The following BAIAP3 variants were observed in gnomAD, a reference collection of about 807,000 sequenced individuals.
The protein encoded by BAIAP3 is BAI1-associated protein 3.
BAIAP3 carries 180 observed loss-of-function variants against 149.7 expected under a neutral mutation model. The observed-to-expected ratio is 1.20, with a 90% confidence interval of 1.07 to 1.36. BAIAP3 has a LOEUF of 1.36. BAIAP3 is among the 40% of genes most tolerant of loss of function. The pLI is 0.00. For missense variants in BAIAP3, 1,767 were observed against 1,563.4 expected, an observed-to-expected ratio of 1.13 and a Z score of -2.20; for synonymous variants, 845 against 670.7, an observed-to-expected ratio of 1.26 and a Z score of -4.02.
chr16:1,344,634 C>T lies in BAIAP3; in HGVS notation c.1693C>T (p.Leu565=). ...ACAGCGCCTGCCTGGGCTGGTTGTG[C>T]TGGCTGACGCCGTCTATGATGACCT... ...GPQRLPGLVV[L]ADAVYDDLQF... Residue 565 remains leucine (L), a synonymous_variant, in exon 19 of 34, where the codon CTG becomes TTG. Coordinates refer to ENST00000426824, the MANE Select transcript of BAIAP3 (RefSeq NM_001199097.2). 1 of 1,613,412 alleles carries T rather than the reference C, an allele frequency of 6.2e-7. No individual in the cohort carries two copies. Among genetic ancestry groups the T allele is most frequent in the Non-Finnish European group, 8.5e-7 (1 of 1,180,026 alleles).
Position 1,339,606 on chromosome 16 carries a change from C to G in BAIAP3, c.408+3C>G, listed in dbSNP as rs2033717133. 6.2e-7 allele frequency: 1 copy of G among 1,609,392 alleles called. No homozygotes were observed. The highest frequency in any genetic ancestry group is 8.5e-7 in the Non-Finnish European group (1 of 1,178,318). On this transcript the variant is annotated splice_donor_region_variant and intron_variant, in intron 5 of 33. Coordinates refer to ENST00000426824, the MANE Select transcript of BAIAP3 (RefSeq NM_001199097.2). Reference sequence around the variant, plus strand: ...CCCTGCTCAGCTATCTCCAGCAGGTCAGCCCACCCTGACCCCGACCCAGAC... The same window carrying G: ...CCCTGCTCAGCTATCTCCAGCAGGTGAGCCCACCCTGACCCCGACCCAGAC...
Position 1,349,358 on chromosome 16 carries a change from G to A in BAIAP3, c.*876G>A, listed in dbSNP as rs766962853. 6.5e-6 allele frequency: 10 copies of A among 1,535,660 alleles called. No individual in the cohort carries two copies. The highest frequency in any genetic ancestry group is 1.4e-5 in the African/African-American group (1 of 73,546). On this transcript the variant is annotated 3_prime_UTR_variant, in exon 34 of 34. Transcript: ENST00000426824. ...CTGCCAGCAGCCGCAAAGAGCCGAG[G>A]CTGCCAGGCCCATTTATGTCCCTCA...
chr16:1,349,269 C>A lies in BAIAP3; in HGVS notation c.*787C>A. 1 of 754,654 alleles carries A rather than the reference C, an allele frequency of 1.3e-6. No homozygotes were observed. 46.7% of individuals were successfully genotyped at this position (754,654 alleles called of 1,614,324 possible). A position where few individuals can be genotyped will look rare whatever the true frequency, so the allele number is the denominator to read the frequency against. The stretch of plus-strand genomic sequence containing the variant: ...TGGCCTGCAGCTTCATTTGCGAGAG[C>A]GCCGAGGCAGGACACAGAGCACAGC... On this transcript the variant is annotated 3_prime_UTR_variant, in exon 34 of 34. Transcript: ENST00000426824.
At chr16:1,334,576 G>A (rs1048842222) in intron 1 of BAIAP3, 58 of 1,321,478 alleles carry the variant, frequency 4.4e-5, no homozygotes, top group Middle Eastern at 5.1e-4. Flanking sequence ...GCCAGCGGCT[G>A]GACCTTGGCA....
At chr16:1,335,462 C>CG (rs373898973) in intron 1 of BAIAP3, among the ~76,000 whole-genome samples, 65,567 of 152,002 alleles carry the variant, frequency 0.43, 15,281 homozygotes, top group East Asian at 0.81. Context: ...ACGGGAAAGA[C>CG]GGGGGGTCCC....
chr16:1,348,643 GTGTC>G lies in BAIAP3; in HGVS notation c.*168_*171del. The G allele has an allele frequency of 1.4e-6, 1 of 706,512 alleles. No individual in the cohort carries two copies. Among genetic ancestry groups the G allele is most frequent in the South Asian group, 1.8e-5 (1 of 56,288 alleles). 43.8% of individuals were successfully genotyped at this position (706,512 alleles called of 1,614,324 possible). A position where few individuals can be genotyped will look rare whatever the true frequency, so the allele number is the denominator to read the frequency against. ...CCCCGCGGCGCCTACCGCCCTGGCC[GTGTC>G]TGTCTGGTGTGTGCTGTGAACCCCT... On this transcript the variant is annotated 3_prime_UTR_variant, in exon 34 of 34. Transcript: ENST00000426824.
chr16:1,347,244 G>A, intron 28 of BAIAP3, 54 bp from the exon 29 acceptor site: 1 of 1,567,960 alleles, frequency 6.4e-7, no homozygotes, highest in African/African-American at 1.4e-5. Flanking sequence ...GTCTCTACCT[G>A]TCCCCAGCAC....
chr16:1,337,053 GGGA>G (rs1376648258), intron 1 of BAIAP3, among the ~76,000 whole-genome samples: 1 of 152,178 alleles, frequency 6.6e-6, no homozygotes, highest in African/African-American at 2.4e-5. Context: ...CCATGGAGCG[GGGA>G]GGAGACCTCC....
rs1247973298 is a variant in BAIAP3, at chr16:1,339,166, C to T, written c.222C>T (p.Val74=). ...CTCACCCTGGGCCCCACACACAGGT[C>T]CCCCTGCGCAGTGGCTCGCCAGCAC... The part of the protein sequence containing the change: ...EGRQGLPCLE[V]PLRSGSPAPP... The change falls in exon 4 of 34, where the codon GTC becomes GTT. Residue 74 remains valine, a splice_region_variant and synonymous_variant. Coordinates refer to ENST00000426824, the MANE Select transcript of BAIAP3 (RefSeq NM_001199097.2). 2 of 1,566,958 alleles carry T rather than the reference C, an allele frequency of 1.3e-6. No homozygotes were observed. The highest frequency in any genetic ancestry group is 1.9e-5 in the Admixed American group (1 of 52,068).
intron 11 of BAIAP3, 85 bp downstream of exon 11, chr16:1,342,368 G>C (rs1201075701): frequency 6.8e-7 from 1 of 1,467,518 alleles, no homozygotes; most frequent in East Asian, 2.4e-5. Flanking sequence ...GCACTGCCTG[G>C]AGAAGCTCCT....
Position 1,348,009 on chromosome 16 carries a change from CTT to C in BAIAP3, c.3142_3143del (p.Phe1048LeufsTer248), listed in dbSNP as rs779605305. 1 of 1,608,970 alleles carries C rather than the reference CTT, an allele frequency of 6.2e-7. No homozygotes were observed. Among genetic ancestry groups the C allele is most frequent in the Admixed American group, 1.7e-5 (1 of 60,026 alleles). On this transcript the variant is annotated frameshift_variant, in exon 32 of 34. Transcript: ENST00000426824. LOFTEE classifies it high-confidence loss of function. The part of the protein sequence containing the change: ...RTLHPVYDEL[F>X]YFSVPAEACR... ...CGCTGCACCCTGTATACGACGAACT[CTT>C]CTACTTGTGAGTGTCCTAAGCCCCA...
chr16:1,338,389 G>T, intron 1 of BAIAP3, 151 bp from the exon 2 acceptor site: 2 of 1,024,330 alleles, frequency 2.0e-6, no homozygotes, highest in Non-Finnish European at 1.4e-6. Context: ...CTCACCGCCT[G>T]ACCAGGTGCC....
At chr16:1,347,022 G>A (rs2034424426) in intron 28 of BAIAP3, 67 bp downstream of exon 28, 15 of 1,419,724 alleles carry the variant, frequency 1.1e-5, no homozygotes, top group Middle Eastern at 1.8e-4. Context: ...CCCTCCCTTT[G>A]TCCCCACTGG....
intron 1 of BAIAP3, among the ~76,000 whole-genome samples, chr16:1,333,958 G>A (rs1021375539): frequency 6.6e-6 from 1 of 152,110 alleles, no homozygotes; most frequent in African/African-American, 2.4e-5. Flanking sequence ...GGAGGGGCGG[G>A]GTCTCGGGGG....
rs1402240483 is a variant in BAIAP3, at chr16:1,342,653, C to T, written c.1065+19C>T. On this transcript the variant is annotated intron_variant, in intron 12 of 33. Coordinates refer to ENST00000426824, the MANE Select transcript of BAIAP3 (RefSeq NM_001199097.2). ...TACGCAGGTGGGGAAAGTGGGCGTC[C>T]CCGTCCTCCACCCCCGTCCTTGGGG... 2.5e-6 allele frequency: 4 copies of T among 1,603,710 alleles called. No homozygotes were observed. The highest frequency in any genetic ancestry group is 1.1e-5 in the South Asian group (1 of 89,836).
In BAIAP3 at chr16:1,348,163, T is replaced by C. The variant is rs759090382; in HGVS notation, c.3217T>C (p.Trp1073Arg). Residue 1073 changes from tryptophan to arginine, a missense_variant, in exon 33 of 34, where the codon TGG (tryptophan) becomes CGG (arginine). Trp to Arg is a moderately radical substitution (Grantham distance 101). Coordinates refer to ENST00000426824, the MANE Select transcript of BAIAP3 (RefSeq NM_001199097.2). ...GTTGTTCACCGTCATGGACCACGAC[T>C]GGCTGTCCACCAACGACTTCGCTGG... ...CVLFTVMDHD[W>R]LSTNDFAGEA... 2 of 1,608,680 alleles carry C rather than the reference T, an allele frequency of 1.2e-6. No homozygotes were observed. Among genetic ancestry groups the C allele is most frequent in the South Asian group, 2.2e-5 (2 of 91,082 alleles).
Position 1,345,999 on chromosome 16 carries a change from C to G in BAIAP3, c.2222C>G (p.Ala741Gly). 2.5e-6 allele frequency: 4 copies of G among 1,608,404 alleles called. No individual in the cohort carries two copies. Among genetic ancestry groups the G allele is most frequent in the Admixed American group, 1.7e-5 (1 of 59,660 alleles). The change falls in exon 24 of 34, where the codon GCC (alanine) becomes GGC (glycine). Residue 741 changes from alanine to glycine, a missense_variant. Transcript: ENST00000426824. ...TCCCCTCCTCAGGACGTGTGTGAGGCCACCCTCTTCTATACGGAGCTGCTT... is the reference window on the plus strand; with the variant it reads ...TCCCCTCCTCAGGACGTGTGTGAGGGCACCCTCTTCTATACGGAGCTGCTT... ...GTQLGQDVCE[A>G]TLFYTELLRK...
At chr16:1,342,889 C>T (rs753533729) in intron 13 of BAIAP3, 24 bp from the exon 14 acceptor site, 9 of 1,612,102 alleles carry the variant, frequency 5.6e-6, no homozygotes, top group South Asian at 2.2e-5. Flanking sequence ...CCCGCCTCCA[C>T]CCACGACAGA....
In BAIAP3 at chr16:1,344,258, T is replaced by A. The variant is rs1596579511; in HGVS notation, c.1543T>A (p.Ser515Thr). The change falls in exon 17 of 34, where the codon TCC becomes ACC. Residue 515 changes from serine (S) to threonine (T), a missense_variant. Ser to Thr is a moderately conservative substitution (Grantham distance 58). Transcript: ENST00000426824. Reference sequence around the variant, plus strand: ...GGGCAAGCTGCAGCTCTTCCAACCCTCCTTTGAGATCTGCCCCTTCGAGTC... The same window carrying A: ...GGGCAAGCTGCAGCTCTTCCAACCCACCTTTGAGATCTGCCCCTTCGAGTC... Reference protein sequence around the residue: ...CLGKLQLFQPSFEICPFESEL... With the variant: ...CLGKLQLFQPTFEICPFESEL... The A allele has an allele frequency of 1.9e-6, 3 of 1,613,678 alleles. No homozygotes were observed. In the East Asian group the frequency reaches 6.7e-5, roughly 36 times the overall value.
Sources: allele counts gnomAD v4.1 joint callset (sites outside exome capture counted in the v4.1 genomes callset), GRCh38; gene constraint gnomAD v4.1.1; transcripts MANE v1.5; gene names NCBI Gene and HGNC (gene_info 2026-07-23, HGNC 2026-07-21).